The following COLEC10 variants were observed in gnomAD, a reference collection of about 807,000 sequenced individuals.
COLEC10 encodes collectin subfamily member 10.
COLEC10 carries 22 observed loss-of-function variants against 28.4 expected under a neutral mutation model. The ratio of observed to expected loss-of-function variants is 0.78; its 90% CI spans 0.55 to 1.11. COLEC10 has a LOEUF of 1.11. Ranked by LOEUF, COLEC10 falls within the 50% of genes least tolerant of loss-of-function variation. The pLI, the probability that COLEC10 is intolerant of heterozygous loss-of-function variation, is 0.00. For synonymous variants in COLEC10, 125 were observed against 116.1 expected, an observed-to-expected ratio of 1.08 and a Z score of -0.49; for missense variants, 361 against 344.1, an observed-to-expected ratio of 1.05 and a Z score of -0.39.
intron 1 of COLEC10, among the ~76,000 whole-genome samples, chr8:119,083,659 C>T (rs1815411189): frequency 6.6e-6 from 1 of 152,024 alleles, no homozygotes; most frequent in South Asian, 2.1e-4. Context: ...GGGTCATCAT[C>T]CCCATTTTCC....
intron 2 of COLEC10, among the ~76,000 whole-genome samples, chr8:119,019,479 G>C (rs75843194): frequency 0.044 from 6,702 of 152,178 alleles, 217 homozygotes; most frequent in East Asian, 0.16. Flanking sequence ...ATGGTCTTCC[G>C]TCTTCCTGGA....
rs548484713 is a variant in COLEC10, at chr8:119,070,605, TTC to T, written c.148+3184_148+3185del. Among the ~76,000 whole-genome samples, 13 of 140,646 alleles carry T rather than the reference TTC, an allele frequency of 9.2e-5. No individual in the cohort carries two copies. The South Asian group carries it at 1.9e-3, about 20-fold the overall frequency. 92.3% of individuals were successfully genotyped at this position (140,646 alleles called of 152,430 possible). ...TCTCTCTCTCTCTCCCTCTCTCCCT[TTC>T]TCTCTCTTTTTTTCTCCCTCTTCCC... On this transcript the variant is annotated intron_variant, in intron 1 of 5. Transcript: ENST00000332843.
chr8:119,094,326 T>G (rs1815669097), intron 3 of COLEC10, among the ~76,000 whole-genome samples: 1 of 152,164 alleles, frequency 6.6e-6, no homozygotes, highest in South Asian at 2.1e-4. Context: ...AAATTGACAA[T>G]ATTATTAATT....
intron 1 of COLEC10, among the ~76,000 whole-genome samples, chr8:118,999,232 A>C (rs1018151080): frequency 1.5e-4 from 23 of 152,108 alleles, no homozygotes; most frequent in African/African-American, 5.3e-4. Flanking sequence ...AAATGGATAA[A>C]ATGGCCTTAG....
At chr8:119,102,217 TCCCTCCCTC>T in intron 3 of COLEC10, 122 bp from the exon 4 acceptor site, 1 of 25,566 alleles carries the variant, frequency 3.9e-5, no homozygotes, top group Non-Finnish European at 7.2e-5. Context: ...CCTTCCTCCC[TCCCTCCCTC>T]CCTCCCTCCC....
chr8:118,999,883 A>C (rs530483887), intron 1 of COLEC10, among the ~76,000 whole-genome samples: 2 of 143,228 alleles, frequency 1.4e-5, no homozygotes, highest in Admixed American at 7.0e-5. Context: ...AAGTGGAAGC[A>C]ATGAATACAG....
the COLEC10 span, among the ~76,000 whole-genome samples, chr8:118,954,370 T>C: frequency 6.6e-6 from 1 of 152,376 alleles, no homozygotes; most frequent in East Asian, 1.9e-4. Flanking sequence ...TGGAGCAATC[T>C]GGCCAATCCC....
At chr8:119,074,440 A>G (rs979842737) in intron 1 of COLEC10, among the ~76,000 whole-genome samples, 1 of 152,180 alleles carries the variant, frequency 6.6e-6, no homozygotes, top group African/African-American at 2.4e-5. Context: ...AAAAATTAAA[A>G]AAATTTAAAA....
intron 2 of COLEC10, among the ~76,000 whole-genome samples, chr8:119,090,109 A>G (rs963416997): frequency 1.3e-5 from 2 of 152,076 alleles, no homozygotes; most frequent in Non-Finnish European, 2.9e-5. Context: ...TTAAGCTGGC[A>G]TAGAGCTTAA....
chr8:118,990,630 T>C (rs748844775), upstream of COLEC10, among the ~76,000 whole-genome samples: 9 of 152,156 alleles, frequency 5.9e-5, no homozygotes, highest in Non-Finnish European at 1.3e-4. Context: ...CAATTTTTCA[T>C]TTAAACACCA....
chr8:119,012,394 A>C (rs1328258974), intron 2 of COLEC10, among the ~76,000 whole-genome samples: 1 of 150,558 alleles, frequency 6.6e-6, no homozygotes, highest in East Asian at 1.9e-4. Context: ...AGATTTTTGC[A>C]TATATGTTCA....
rs1465159848 is a variant in COLEC10 at position 119,107,890 on chromosome 8, A to C, written c.*1699A>C. Among the ~76,000 whole-genome samples, 1 of 152,162 alleles carries C rather than the reference A, an allele frequency of 6.6e-6. No homozygotes were observed. The highest frequency in any genetic ancestry group is 1.5e-5 in the Non-Finnish European group (1 of 68,020). ...GGCAACTAATTAATTTTTAACCCAAATTTTAAGTGGGTTAAAAATTAATTA... is the reference window on the plus strand; with the variant it reads ...GGCAACTAATTAATTTTTAACCCAACTTTTAAGTGGGTTAAAAATTAATTA... On this transcript the variant is annotated 3_prime_UTR_variant, in exon 6 of 6. Transcript: ENST00000332843.
intron 2 of COLEC10, among the ~76,000 whole-genome samples, chr8:119,036,501 G>A (rs1269425210): frequency 1.3e-5 from 2 of 152,120 alleles, no homozygotes; most frequent in Non-Finnish European, 2.9e-5. Context: ...TGAACATTTT[G>A]ACAGATATAA....
chr8:119,009,025 T>C (rs1158074514), intron 1 of COLEC10, among the ~76,000 whole-genome samples: 1 of 150,976 alleles, frequency 6.6e-6, no homozygotes, highest in Non-Finnish European at 1.5e-5. Context: ...ATTGTTCCAG[T>C]TTTCTCTGTT....
At chr8:118,976,148 A>C in the COLEC10 span, among the ~76,000 whole-genome samples, 1 of 151,982 alleles carries the variant, frequency 6.6e-6, no homozygotes, top group Non-Finnish European at 1.5e-5. Context: ...AAATAAATTC[A>C]TGTTCAATTA....
At chr8:118,955,724 GT>G in the COLEC10 span, among the ~76,000 whole-genome samples, 1 of 152,192 alleles carries the variant, frequency 6.6e-6, no homozygotes, top group Non-Finnish European at 1.5e-5. Flanking sequence ...AGGACAGGGT[GT>G]TAGTAGGTCT....
At chr8:119,067,187 A>T, upstream of COLEC10, 1 of 1,330,038 alleles carries the variant, frequency 7.5e-7, no homozygotes, top group Non-Finnish European at 1.0e-6. Context: ...TGTGTTCCAA[A>T]TACTTCCCCT....
intron 2 of COLEC10, among the ~76,000 whole-genome samples, chr8:119,018,094 G>C (rs1360767805): frequency 6.6e-6 from 1 of 152,124 alleles, no homozygotes; most frequent in Non-Finnish European, 1.5e-5. Flanking sequence ...ACTTTGTTTG[G>C]AATTAAACTC....
Position 119,105,893 on chromosome 8 carries a change from G to T in COLEC10, c.536G>T (p.Arg179Leu). The T allele has an allele frequency of 6.2e-7, 1 of 1,613,800 alleles. No homozygotes were observed. Among genetic ancestry groups the T allele is most frequent in the Non-Finnish European group, 8.5e-7 (1 of 1,179,866 alleles). ...YRESLTHCRI[R>L]GGMLAMPKDE... ...GAATCCCTAACCCACTGCAGGATTCGGGGTGGAATGCTAGCCATGCCCAAG... is the reference window on the plus strand; with the variant it reads ...GAATCCCTAACCCACTGCAGGATTCTGGGTGGAATGCTAGCCATGCCCAAG... Residue 179 changes from arginine to leucine, a missense_variant, in exon 6 of 6, where the codon CGG (arginine) becomes CTG (leucine). This residue lies in a region of COLEC10 where 335 missense variants were observed against 308.5 expected (regional missense o/e 1.09). Transcript: ENST00000332843.
Sources: allele counts gnomAD v4.1 joint callset (sites outside exome capture counted in the v4.1 genomes callset), GRCh38; gene constraint gnomAD v4.1.1; regional missense constraint gnomAD v4.1.1; transcripts MANE v1.5; gene names NCBI Gene and HGNC (gene_info 2026-07-23, HGNC 2026-07-21).